The following ASAP1 variants were observed in gnomAD, a reference collection of about 807,000 sequenced individuals.
ASAP1 encodes the protein arf-GAP with SH3 domain, ANK repeat and PH domain-containing protein 1.
Under a neutral mutation model 145.2 loss-of-function variants are expected in ASAP1, and 43 were observed. The observed-to-expected ratio is 0.30, with a 90% CI of 0.23 to 0.38. The LOEUF is 0.38. ASAP1 is among the 10% of genes least tolerant of loss of function. The probability of loss-of-function intolerance (pLI) is 1.00; values close to 1 mark genes in which losing one functional copy is unlikely to be tolerated. For synonymous variants in ASAP1, 546 were observed against 515.5 expected (o/e 1.06, Z -0.80); for missense variants, 1,018 against 1,355.3 (o/e 0.75, Z 3.91).
At chr8:130,423,934 T>A (rs184857362) in intron 1 of ASAP1, among the ~76,000 whole-genome samples, 58 of 152,234 alleles carry the variant, frequency 3.8e-4, no homozygotes, top group Admixed American at 3.3e-3. Flanking sequence ...TGACTGCTAA[T>A]GAGTATGGAT....
intron 2 of ASAP1, among the ~76,000 whole-genome samples, chr8:130,370,822 C>A (rs1005205335): frequency 2.6e-5 from 4 of 152,070 alleles, no homozygotes; most frequent in African/African-American, 9.7e-5. Flanking sequence ...CTGTATGATA[C>A]CTTAAAGGTC....
At chr8:130,324,224 G>A (rs1210901912) in intron 3 of ASAP1, among the ~76,000 whole-genome samples, 2 of 152,156 alleles carry the variant, frequency 1.3e-5, no homozygotes, top group African/African-American at 2.4e-5. Flanking sequence ...CCACTTCTCT[G>A]GCTGGTTGGC....
intron 24 of ASAP1, among the ~76,000 whole-genome samples, chr8:130,097,160 A>AAAAAAC (rs2097520028): frequency 7.5e-6 from 1 of 133,936 alleles, no homozygotes; most frequent in Non-Finnish European, 1.6e-5. Context: ...AAAAAAAAAA[A>AAAAAAC]AGTCCTTGAA....
At chr8:130,396,092 CCTGGCAG>C in intron 2 of ASAP1, among the ~76,000 whole-genome samples, 1 of 152,214 alleles carries the variant, frequency 6.6e-6, no homozygotes, top group South Asian at 2.1e-4. Context: ...CCCTTGATAT[CCTGGCAG>C]CTTGCACAGA....
chr8:130,358,244 G>T lies in ASAP1; in HGVS notation c.60-101C>A. The T allele has an allele frequency of 1.1e-6, 1 of 924,170 alleles. No homozygotes were observed. The highest frequency in any genetic ancestry group is 1.4e-6 in the Non-Finnish European group (1 of 739,702). 57.2% of individuals were successfully genotyped at this position (924,170 alleles called of 1,614,324 possible). ...GGAGGCTCATGAACCCCGGCGCGCA[G>T]CCCGCCACCCGCCGCCCGGCCTGGC... On this transcript the variant is annotated intron_variant, in intron 2 of 29. Coordinates refer to ENST00000518721, the MANE Select transcript of ASAP1 (RefSeq NM_018482.4). The surrounding 1 kb of genome is among the most constrained non-coding windows in gnomAD (Gnocchi z 4.1).
At chr8:130,145,908 C>T (rs182354167) in intron 13 of ASAP1, among the ~76,000 whole-genome samples, 13 of 145,616 alleles carry the variant, frequency 8.9e-5, no homozygotes, top group Admixed American at 1.4e-4. Flanking sequence ...GTGGTGTGAT[C>T]TCGGCTCATT....
chr8:130,252,296 C>T (rs746484065), intron 3 of ASAP1, among the ~76,000 whole-genome samples: 1 of 152,084 alleles, frequency 6.6e-6, no homozygotes, highest in East Asian at 1.9e-4. Context: ...TTATCTAGAA[C>T]TGTAAAGTGC....
intron 3 of ASAP1, among the ~76,000 whole-genome samples, chr8:130,318,733 G>C (rs1053906950): frequency 2.0e-5 from 3 of 152,290 alleles, no homozygotes; most frequent in South Asian, 4.1e-4. Context: ...TAGAGTTGGG[G>C]TTCAGTCCAT....
At chr8:130,220,238 G>A (rs1817209079) in intron 4 of ASAP1, among the ~76,000 whole-genome samples, 1 of 152,162 alleles carries the variant, frequency 6.6e-6, no homozygotes, top group African/African-American at 2.4e-5. Context: ...GTGGGGAAAT[G>A]ACTAATATAA....
intron 13 of ASAP1, among the ~76,000 whole-genome samples, chr8:130,148,717 G>A (rs1311579104): frequency 6.6e-6 from 1 of 152,096 alleles, no homozygotes; most frequent in Non-Finnish European, 1.5e-5. Flanking sequence ...GTTGTAATTT[G>A]TTTTATGATA....
chr8:130,284,842 TACACAC>T (rs34799517), intron 3 of ASAP1, among the ~76,000 whole-genome samples: 14,742 of 141,534 alleles, frequency 0.1, 844 homozygotes, highest in South Asian at 0.28. Flanking sequence ...TTTTACACTC[TACACAC>T]ACACACACAC....
intron 5 of ASAP1, among the ~76,000 whole-genome samples, chr8:130,192,117 C>A (rs886620363): frequency 1.4e-4 from 22 of 152,046 alleles, no homozygotes; most frequent in African/African-American, 5.3e-4. Flanking sequence ...ATTTTGCCAA[C>A]AATCACACAC....
At position 130,136,936 on chromosome 8, in the gene ASAP1, A is replaced by T. The variant is rs765915831; in HGVS notation, c.1168+15T>A. ...AAGCCACAATAACCAACTCAGAGAG[A>T]GAAAAAGGACTCACGTGATATCAGG... On this transcript the variant is annotated intron_variant, in intron 14 of 29. Coordinates refer to ENST00000518721, the MANE Select transcript of ASAP1 (RefSeq NM_018482.4). The T allele has an allele frequency of 6.2e-7, 1 of 1,610,732 alleles. No homozygotes were observed. Among genetic ancestry groups the T allele is most frequent in the Non-Finnish European group, 8.5e-7 (1 of 1,176,888 alleles).
chr8:130,205,393 A>AC (rs1216996831), intron 5 of ASAP1, among the ~76,000 whole-genome samples: 3 of 151,578 alleles, frequency 2.0e-5, no homozygotes, highest in African/African-American at 7.3e-5. Context: ...AAAAAAAAAA[A>AC]AAAAAAACAA....
chr8:130,204,037 G>T (rs189029657), intron 5 of ASAP1, among the ~76,000 whole-genome samples: 1 of 152,308 alleles, frequency 6.6e-6, no homozygotes, highest in Admixed American at 6.5e-5. Context: ...CGGGTCCCCA[G>T]TCCCCAGGCC....
chr8:130,166,160 C>T (rs1472996681), intron 11 of ASAP1, among the ~76,000 whole-genome samples: 2 of 152,154 alleles, frequency 1.3e-5, no homozygotes, highest in Non-Finnish European at 2.9e-5. Flanking sequence ...GCACATGCCA[C>T]CATGCGTGGC....
At chr8:130,287,163 G>A (rs965489202) in intron 3 of ASAP1, among the ~76,000 whole-genome samples, 8 of 140,898 alleles carry the variant, frequency 5.7e-5, no homozygotes, top group African/African-American at 2.0e-4. Context: ...ATCACCAAGA[G>A]TTCAAGGACT....
intron 7 of ASAP1, among the ~76,000 whole-genome samples, chr8:130,185,191 C>T (rs1474736738): frequency 1.3e-5 from 2 of 152,182 alleles, no homozygotes; most frequent in African/African-American, 2.4e-5. Context: ...AAGTCTATCT[C>T]AGGAAAATTG....
intron 3 of ASAP1, among the ~76,000 whole-genome samples, chr8:130,319,053 C>T (rs1823843427): frequency 6.6e-6 from 1 of 152,212 alleles, no homozygotes; most frequent in Non-Finnish European, 1.5e-5. Context: ...ATAATCAGCA[C>T]CACTGTCAGT....
Sources: allele counts gnomAD v4.1 joint callset (sites outside exome capture counted in the v4.1 genomes callset), GRCh38; gene constraint gnomAD v4.1.1; non-coding constraint Gnocchi (gnomAD v3.1); transcripts MANE v1.5; gene names NCBI Gene and HGNC (gene_info 2026-07-23, HGNC 2026-07-21).